The following RALGAPA2 variants were observed in gnomAD, a reference collection of about 807,000 sequenced individuals.
RALGAPA2 encodes the protein ral GTPase-activating protein subunit alpha-2.
In RALGAPA2, 139 loss-of-function variants were observed where a neutral mutation model predicts 230.4. The ratio of observed to expected loss-of-function variants is 0.60; its 90% CI spans 0.53 to 0.69. The LOEUF (loss-of-function observed/expected upper bound fraction) is 0.69, where lower values mean the gene tolerates loss of function less well. Among genes scored for constraint, RALGAPA2 ranks in the 30% least tolerant of loss-of-function variants. RALGAPA2 has a pLI of 0.00. For synonymous variants in RALGAPA2, 847 were observed against 837.8 expected, an observed-to-expected ratio of 1.01 and a Z score of -0.19; for missense variants, 2,163 against 2,276.0, an observed-to-expected ratio of 0.95 and a Z score of 1.01.
intron 16 of RALGAPA2, among the ~76,000 whole-genome samples, 165 bp from the exon 17 acceptor site, chr20:20,591,479 C>A (rs1027361633): frequency 6.6e-6 from 1 of 152,220 alleles, no homozygotes; most frequent in African/African-American, 2.4e-5. Flanking sequence ...CACTTGCTAA[C>A]CCCTAATATT....
intron 38 of RALGAPA2, among the ~76,000 whole-genome samples, chr20:20,402,738 T>G (rs62200243): frequency 0.48 from 73,085 of 152,136 alleles, 19,680 homozygotes; most frequent in South Asian, 0.6. Flanking sequence ...TCATGGAAGT[T>G]GTCCCCCATC....
Position 20,589,382 on chromosome 20 carries a change from A to AG in RALGAPA2, c.2342-18dup, listed in dbSNP as rs1189230924. On this transcript the variant is annotated splice_polypyrimidine_tract_variant and intron_variant, in intron 17 of 39. Coordinates refer to ENST00000202677, the MANE Select transcript of RALGAPA2 (RefSeq NM_020343.4). ...CCTTTTGACCTAGAAATGGTGGGGC[A>AG]GGGGGGTAGCGGAAATAGAAGGAAT... The AG allele has an allele frequency of 2.6e-6, 4 of 1,567,904 alleles. No homozygotes were observed. Among genetic ancestry groups the AG allele is most frequent in the Non-Finnish European group, 3.5e-6 (4 of 1,154,358 alleles).
At chr20:20,586,548 A>G (rs2065139186) in intron 18 of RALGAPA2, among the ~76,000 whole-genome samples, 1 of 152,262 alleles carries the variant, frequency 6.6e-6, no homozygotes, top group East Asian at 1.9e-4. Context: ...GATTTCAGAT[A>G]ATCAGATAAA....
intron 1 of RALGAPA2, among the ~76,000 whole-genome samples, chr20:20,704,531 C>A (rs1174895371): frequency 1.3e-5 from 2 of 152,192 alleles, no homozygotes; most frequent in African/African-American, 2.4e-5. Flanking sequence ...GACTCATGGG[C>A]TTCCTCTCAC....
chr20:20,567,252 T>C (rs1468132198), intron 23 of RALGAPA2, among the ~76,000 whole-genome samples: 1 of 152,254 alleles, frequency 6.6e-6, no homozygotes, highest in Non-Finnish European at 1.5e-5. Flanking sequence ...CTGTTTTAAA[T>C]AATCATGAAA....
intron 20 of RALGAPA2, among the ~76,000 whole-genome samples, chr20:20,577,741 G>A (rs1602904715): frequency 6.6e-6 from 1 of 152,090 alleles, no homozygotes; most frequent in Middle Eastern, 3.4e-3. Flanking sequence ...GCATAATATG[G>A]CATTTATTTT....
chr20:20,427,630 G>A (rs1369697025), intron 37 of RALGAPA2, among the ~76,000 whole-genome samples: 2 of 151,990 alleles, frequency 1.3e-5, no homozygotes, highest in South Asian at 2.1e-4. Context: ...CCTGGGCACC[G>A]TTACCATGCA....
intron 33 of RALGAPA2, among the ~76,000 whole-genome samples, chr20:20,509,590 A>C (rs972865864): frequency 2.0e-5 from 3 of 152,222 alleles, no homozygotes; most frequent in Admixed American, 1.3e-4. Flanking sequence ...CAAGACTTGG[A>C]AACATACACA....
chr20:20,595,602 A>T lies in RALGAPA2; in HGVS notation c.2204-4288T>A, dbSNP rs144015930. On this transcript the variant is annotated intron_variant, in intron 16 of 39. Coordinates refer to ENST00000202677, the MANE Select transcript of RALGAPA2 (RefSeq NM_020343.4). ...TACAATATTCCTAAAAGAAAAATAA[A>T]ATCTACTATCTGTAAGTGCTACAGA... Among the ~76,000 whole-genome samples the T allele has an allele frequency of 6.5e-4, 99 of 152,296 alleles. 3 individuals carry two copies. The East Asian group carries it at 0.019, about 29-fold the overall frequency.
chr20:20,510,856 T>A (rs1272460293), intron 33 of RALGAPA2, among the ~76,000 whole-genome samples: 1 of 152,206 alleles, frequency 6.6e-6, no homozygotes, highest in African/African-American at 2.4e-5. Flanking sequence ...AGCGCCTTGA[T>A]ACACAACATG....
In RALGAPA2 at chr20:20,463,219, G is replaced by A. The variant is rs777701057; in HGVS notation, c.5495+9610C>T. Among the ~76,000 whole-genome samples, 26 of 115,816 alleles carry A rather than the reference G, an allele frequency of 2.2e-4. No homozygotes were observed. In the South Asian group the frequency reaches 2.7e-3, roughly 12 times the overall value. The allele number at this position is 115,816 out of a possible 152,430, so 76.0% of individuals were successfully genotyped here. ...TTTTTTTTCTGTCTCACTGTTTTTTGTTTGTTTTCTCACTTTGAAGCTGGG... is the reference window on the plus strand; with the variant it reads ...TTTTTTTTCTGTCTCACTGTTTTTTATTTGTTTTCTCACTTTGAAGCTGGG... On this transcript the variant is annotated intron_variant, in intron 37 of 39. Coordinates refer to ENST00000202677, the MANE Select transcript of RALGAPA2 (RefSeq NM_020343.4).
In RALGAPA2 at chr20:20,513,052, G is replaced by A; in HGVS notation, c.4317C>T (p.Tyr1439=). 6.2e-7 allele frequency: 1 copy of A among 1,612,006 alleles called. No homozygotes were observed. The highest frequency in any genetic ancestry group is 8.5e-7 in the Non-Finnish European group (1 of 1,179,138). Residue 1439 remains tyrosine, a synonymous_variant, in exon 32 of 40, where the codon TAC becomes TAT. Transcript: ENST00000202677. The part of the protein sequence containing the change: ...FVFNDSTLIS[Y]LQTPTEGPVG... ...CCGGTCCTTCTGTGGGTGTCTGAAG[G>A]TAGGAGATGAGGGTGCTATCATTAA... is the stretch of plus-strand genomic sequence containing the variant.
chr20:20,653,889 T>C (rs1489697005), intron 3 of RALGAPA2, among the ~76,000 whole-genome samples: 1 of 152,188 alleles, frequency 6.6e-6, no homozygotes, highest in Non-Finnish European at 1.5e-5. Flanking sequence ...ATTTCTTAAA[T>C]ATTAAAATAA....
intron 1 of RALGAPA2, among the ~76,000 whole-genome samples, chr20:20,703,440 T>C (rs2069472376): frequency 6.6e-6 from 1 of 152,214 alleles, no homozygotes; most frequent in African/African-American, 2.4e-5. Context: ...CTGGATCCTC[T>C]CACCTGAAAA....
At chr20:20,467,276 A>T (rs9789785) in intron 37 of RALGAPA2, among the ~76,000 whole-genome samples, 2,643 of 152,342 alleles carry the variant, frequency 0.017, 101 homozygotes, top group East Asian at 0.15. Context: ...TAGTAATCTT[A>T]TAAAACACAC....
intron 21 of RALGAPA2, 41 bp from the exon 22 acceptor site, chr20:20,571,987 C>G: frequency 7.3e-7 from 1 of 1,366,046 alleles, no homozygotes; most frequent in Non-Finnish European, 1.0e-6. Context: ...GGTAACATTA[C>G]GTTTATCCCA....
chr20:20,397,096 A>C (rs1214024486), intron 38 of RALGAPA2, among the ~76,000 whole-genome samples: 10 of 152,260 alleles, frequency 6.6e-5, no homozygotes, highest in African/African-American at 2.2e-4. Context: ...GATTTTGTTT[A>C]AAATACAAAG....
chr20:20,505,036 T>TC (rs2062491362), intron 34 of RALGAPA2: 1 of 985,312 alleles, frequency 1.0e-6, no homozygotes, highest in South Asian at 4.7e-5. Flanking sequence ...AACTCTTTCT[T>TC]CATCTTTTCA....
intron 37 of RALGAPA2, among the ~76,000 whole-genome samples, chr20:20,432,833 A>G (rs752226147): frequency 6.6e-6 from 1 of 152,200 alleles, no homozygotes; most frequent in Non-Finnish European, 1.5e-5. Flanking sequence ...CATCATTATC[A>G]TTAAATACTC....
Sources: gnomAD v4.1 joint callset for allele counts (sites outside exome capture counted in the v4.1 genomes callset) on GRCh38, gnomAD v4.1.1 for gene constraint, MANE v1.5 for transcripts, NCBI Gene and HGNC (gene_info 2026-07-23, HGNC 2026-07-21) for gene names.